The following ATP8A2 variants were observed in gnomAD, a reference collection of about 807,000 sequenced individuals.
The protein encoded by ATP8A2 is phospholipid-transporting ATPase IB.
ATP8A2 carries 100 observed loss-of-function variants against 165.6 expected under a neutral mutation model. The observed-to-expected ratio is 0.60, with a 90% CI of 0.51 to 0.71. ATP8A2 has a LOEUF of 0.71. ATP8A2 is among the 30% of genes least tolerant of loss of function. The pLI is 0.00. For synonymous variants in ATP8A2, 543 were observed against 548.8 expected, an observed-to-expected ratio of 0.99 and a Z score of 0.15; for missense variants, 1,227 against 1,479.5, an observed-to-expected ratio of 0.83 and a Z score of 2.80.
chr13:25,919,879 C>A (rs997976990), intron 33 of ATP8A2, among the ~76,000 whole-genome samples: 2 of 152,112 alleles, frequency 1.3e-5, no homozygotes, highest in East Asian at 3.9e-4. Flanking sequence ...CTTGAACTCC[C>A]ACGCTCAGGC....
chr13:25,837,959 G>T (rs944216928), intron 29 of ATP8A2, among the ~76,000 whole-genome samples: 17 of 152,226 alleles, frequency 1.1e-4, no homozygotes, highest in Admixed American at 7.9e-4. Flanking sequence ...GTCATTTGCG[G>T]CTGAATGTGG....
intron 34 of ATP8A2, among the ~76,000 whole-genome samples, chr13:25,963,965 C>G (rs1955719030): frequency 6.6e-6 from 1 of 152,262 alleles, no homozygotes; most frequent in African/African-American, 2.4e-5. Context: ...AAGTCACTTC[C>G]TTTCCAAGGA....
At chr13:25,788,388 C>T (rs2045085002) in intron 27 of ATP8A2, among the ~76,000 whole-genome samples, 1 of 152,206 alleles carries the variant, frequency 6.6e-6, no homozygotes, top group South Asian at 2.1e-4. Flanking sequence ...CAGGGTTTTC[C>T]TATATGAGTT....
chr13:25,433,248 T>C (rs2034664453), intron 1 of ATP8A2, among the ~76,000 whole-genome samples: 1 of 152,162 alleles, frequency 6.6e-6, no homozygotes, highest in Non-Finnish European at 1.5e-5. Flanking sequence ...CTGAAATTCA[T>C]TTCAGGTCTG....
intron 24 of ATP8A2, among the ~76,000 whole-genome samples, chr13:25,686,633 G>T (rs1324840670): frequency 2.6e-5 from 4 of 152,076 alleles, no homozygotes; most frequent in Non-Finnish European, 4.4e-5. Context: ...TTAAATTTTG[G>T]CTTAAAAATA....
rs187866084 is a variant in ATP8A2, at chr13:25,960,202, G to T, written c.3184-1373G>T. On this transcript the variant is annotated intron_variant, in intron 33 of 36. Transcript: ENST00000381655. The stretch of plus-strand genomic sequence containing the variant: ...GCTGTGAGTATAGACGCTGGGCAGG[G>T]AAGCCCTGCAGGGCAGAGGGAGCGG... Among the ~76,000 whole-genome samples, 547 of 152,316 alleles carry T rather than the reference G, an allele frequency of 3.6e-3. 5 individuals are homozygous for T. The highest frequency in any genetic ancestry group is 0.013 in the African/African-American group (521 of 41,580).
chr13:25,734,198 A>G (rs1371216616), intron 25 of ATP8A2, among the ~76,000 whole-genome samples: 1 of 152,208 alleles, frequency 6.6e-6, no homozygotes, highest in Non-Finnish European at 1.5e-5. Flanking sequence ...CTGTGTAAAT[A>G]AAGCATCACC....
At chr13:25,847,562 T>A (rs1951895550) in intron 30 of ATP8A2, among the ~76,000 whole-genome samples, 2 of 152,266 alleles carry the variant, frequency 1.3e-5, no homozygotes, top group South Asian at 2.1e-4. Context: ...TGAGCCAGAG[T>A]TCCTAGATTT....
intron 1 of ATP8A2, among the ~76,000 whole-genome samples, chr13:25,416,210 T>C (rs748659118): frequency 4.6e-5 from 7 of 152,222 alleles, no homozygotes; most frequent in Non-Finnish European, 1.0e-4. Context: ...GCAGCCTCCA[T>C]GAGACAGGCA....
intron 2 of ATP8A2, among the ~76,000 whole-genome samples, chr13:25,520,052 C>T (rs999298726): frequency 2.6e-5 from 4 of 152,276 alleles, no homozygotes; most frequent in Non-Finnish European, 4.4e-5. Flanking sequence ...GATATTTTGA[C>T]GTGTACAACA....
intron 2 of ATP8A2, among the ~76,000 whole-genome samples, chr13:25,506,494 A>T (rs970471067): frequency 2.0e-5 from 3 of 152,236 alleles, no homozygotes; most frequent in Non-Finnish European, 2.9e-5. Flanking sequence ...ATCAAGGCAG[A>T]TATTGCCCAC....
intron 25 of ATP8A2, among the ~76,000 whole-genome samples, chr13:25,703,915 G>C (rs936410050): frequency 1.3e-4 from 20 of 151,916 alleles, no homozygotes; most frequent in African/African-American, 4.8e-4. Flanking sequence ...AATTGAAAAT[G>C]GTCAATTTTA....
At chr13:25,410,163 A>G (rs1026361763) in intron 1 of ATP8A2, among the ~76,000 whole-genome samples, 4 of 152,006 alleles carry the variant, frequency 2.6e-5, no homozygotes, top group Non-Finnish European at 5.9e-5. Flanking sequence ...CCCATCAGCC[A>G]TGGCACTTAC....
chr13:25,829,672 A>ATG (rs1566180847), intron 28 of ATP8A2, among the ~76,000 whole-genome samples: 55 of 10,016 alleles, frequency 5.5e-3, no homozygotes, highest in African/African-American at 0.018. Context: ...GGTGTGGTAT[A>ATG]TATATATATA....
chr13:25,793,253 T>G (rs2045228834), intron 27 of ATP8A2, among the ~76,000 whole-genome samples: 1 of 152,210 alleles, frequency 6.6e-6, no homozygotes, highest in Non-Finnish European at 1.5e-5. Flanking sequence ...GTACAAAGAC[T>G]TTTTCACATA....
At chr13:25,936,160 C>A (rs1285375214) in intron 33 of ATP8A2, among the ~76,000 whole-genome samples, 2 of 152,220 alleles carry the variant, frequency 1.3e-5, no homozygotes, top group Non-Finnish European at 2.9e-5. Flanking sequence ...GGGATGAGTT[C>A]TAAACAGGTG....
intron 24 of ATP8A2, among the ~76,000 whole-genome samples, chr13:25,681,109 A>T (rs1357014261): frequency 6.6e-6 from 1 of 152,208 alleles, no homozygotes; most frequent in African/African-American, 2.4e-5. Flanking sequence ...CTTTCTGGAG[A>T]AAAGTCTTTG....
intron 32 of ATP8A2, among the ~76,000 whole-genome samples, chr13:25,861,341 T>C (rs1162829785): frequency 6.6e-6 from 1 of 152,220 alleles, no homozygotes; most frequent in African/African-American, 2.4e-5. Context: ...TTAGGCACAT[T>C]TTCTGTGACT....
At chr13:25,996,395 A>G (rs1956504482) in intron 35 of ATP8A2, among the ~76,000 whole-genome samples, 1 of 152,238 alleles carries the variant, frequency 6.6e-6, no homozygotes, top group African/African-American at 2.4e-5. Context: ...ATCAAACATA[A>G]TTTGGAGAAA....
Sources: allele counts gnomAD v4.1 joint callset (sites outside exome capture counted in the v4.1 genomes callset), GRCh38; gene constraint gnomAD v4.1.1; transcripts MANE v1.5; gene names NCBI Gene and HGNC (gene_info 2026-07-23, HGNC 2026-07-21).